STT3B: variants seen among roughly 807,000 people sequenced by gnomAD.
STT3B encodes the protein STT3 oligosaccharyltransferase complex catalytic subunit B, also known as dolichyl-diphosphooligosaccharide--protein glycosyltransferase subunit STT3B.
Under a neutral mutation model 96.8 loss-of-function variants are expected in STT3B, and 29 were observed. The observed-to-expected ratio is 0.30, with a 90% CI of 0.22 to 0.41. The LOEUF (loss-of-function observed/expected upper bound fraction) is 0.41, where lower values mean the gene tolerates loss of function less well. Among genes scored for constraint, STT3B ranks in the 10% least tolerant of loss-of-function variants. The pLI, the probability that STT3B is intolerant of heterozygous loss-of-function variation, is 1.00. For missense variants in STT3B, 640 were observed against 1,022.3 expected, an observed-to-expected ratio of 0.63 and a Z score of 5.10; for synonymous variants, 367 against 360.0, an observed-to-expected ratio of 1.02 and a Z score of -0.22.
intron 3 of STT3B, among the ~76,000 whole-genome samples, chr3:31,583,535 G>A (rs1224763996): frequency 1.3e-5 from 2 of 151,998 alleles, no homozygotes; most frequent in Non-Finnish European, 2.9e-5. Context: ...TCTCATATTA[G>A]TATAGCCATC....
At chr3:31,617,846 G>A (rs191773223) in intron 7 of STT3B, 94 bp from the exon 8 acceptor site, 530 of 862,600 alleles carry the variant, frequency 6.1e-4, no homozygotes, top group South Asian at 2.7e-3. Flanking sequence ...ACATTAGTTT[G>A]TCTATCTATA....
chr3:31,539,671 TTTGA>T (rs1697207761), intron 1 of STT3B, among the ~76,000 whole-genome samples: 1 of 152,170 alleles, frequency 6.6e-6, no homozygotes. Flanking sequence ...AGCTGATTAC[TTTGA>T]TTGTTTTGAT....
chr3:31,618,086 A>T (rs1302864833), intron 8 of STT3B, 98 bp downstream of exon 8: 1 of 844,428 alleles, frequency 1.2e-6, no homozygotes, highest in East Asian at 2.4e-5. Flanking sequence ...TTCTTGGGCA[A>T]CACTTCTAAG....
rs199727629 is a variant in STT3B at position 31,590,275 on chromosome 3, A to AT, written c.712-6514dup. Among the ~76,000 whole-genome samples, 66 of 149,852 alleles carry AT rather than the reference A, an allele frequency of 4.4e-4. 2 individuals are homozygous for AT. The East Asian group carries it at 9.8e-3, about 22-fold the overall frequency. ...GCTTATCCAACTTTGGGTTTCACTG[A>AT]TTTTTTTTTCCTTTATATTTTCAAT... On this transcript the variant is annotated intron_variant, in intron 3 of 15. Coordinates refer to ENST00000295770, the MANE Select transcript of STT3B (RefSeq NM_178862.3).
chr3:31,597,588 C>T (rs1172045134), intron 4 of STT3B, among the ~76,000 whole-genome samples: 1 of 151,840 alleles, frequency 6.6e-6, no homozygotes, highest in African/African-American at 2.4e-5. Flanking sequence ...TCCTGAGCAG[C>T]CAGGACTACA....
intron 12 of STT3B, 24 bp from the exon 13 acceptor site, chr3:31,625,930 C>G (rs577802209): frequency 4.5e-6 from 7 of 1,548,050 alleles, no homozygotes; most frequent in Admixed American, 4.1e-5. Context: ...CAAAAACATT[C>G]TCATTTTTTT....
intron 3 of STT3B, among the ~76,000 whole-genome samples, chr3:31,591,856 T>C (rs1289737527): frequency 1.3e-5 from 2 of 152,162 alleles, no homozygotes; most frequent in Admixed American, 6.5e-5. Context: ...TTTTATAATT[T>C]CCTTTTAGCC....
chr3:31,541,515 C>G (rs1697265906), intron 1 of STT3B, among the ~76,000 whole-genome samples: 1 of 144,968 alleles, frequency 6.9e-6, no homozygotes, highest in South Asian at 2.2e-4. Context: ...AAGATTCATC[C>G]TTGTTGGTCA....
intron 5 of STT3B, among the ~76,000 whole-genome samples, chr3:31,606,574 G>A (rs973913768): frequency 2.6e-5 from 4 of 152,332 alleles, no homozygotes; most frequent in African/African-American, 9.6e-5. Flanking sequence ...GTGCACAGAA[G>A]TCAAGAATTG....
At chr3:31,595,149 C>T (rs143621819) in intron 3 of STT3B, among the ~76,000 whole-genome samples, 1 of 152,312 alleles carries the variant, frequency 6.6e-6, no homozygotes, top group East Asian at 1.9e-4. Flanking sequence ...GCATTCCTTC[C>T]TCCAGGTATG....
chr3:31,607,740 T>C (rs1699085718), intron 5 of STT3B, among the ~76,000 whole-genome samples: 1 of 104,174 alleles, frequency 9.6e-6, no homozygotes, highest in South Asian at 3.4e-4. Flanking sequence ...CTGTTTTTTG[T>C]TGTTTTTGGG....
chr3:31,582,451 C>T (rs760476087), intron 3 of STT3B, among the ~76,000 whole-genome samples: 2 of 151,758 alleles, frequency 1.3e-5, no homozygotes, highest in Non-Finnish European at 1.5e-5. Flanking sequence ...CCTGCCACTA[C>T]GTGTGGCTAA....
intron 2 of STT3B, among the ~76,000 whole-genome samples, chr3:31,578,581 G>A (rs1398211910): frequency 1.3e-5 from 2 of 150,496 alleles, no homozygotes; most frequent in African/African-American, 2.5e-5. Context: ...CCCCAGTATT[G>A]CTGACAAAAT....
rs1007168732 is a variant in STT3B at position 31,609,110 on chromosome 3, T to C, written c.878-5995T>C. ...AGCCTGGCGACAGAAAAAGACTCTGTCTCAAGAAAAGAAAGAAAAGGATGT... is the reference window on the plus strand; with the variant it reads ...AGCCTGGCGACAGAAAAAGACTCTGCCTCAAGAAAAGAAAGAAAAGGATGT... On this transcript the variant is annotated intron_variant, in intron 5 of 15. Transcript: ENST00000295770. 7.2e-5 allele frequency among the ~76,000 whole-genome samples: 11 copies of C among 152,212 alleles called. No individual in the cohort carries two copies. The South Asian group carries it at 2.3e-3, about 32-fold the overall frequency.
At chr3:31,559,345 A>G (rs1020649981) in intron 1 of STT3B, among the ~76,000 whole-genome samples, 8 of 98,918 alleles carry the variant, frequency 8.1e-5, no homozygotes, top group Non-Finnish European at 1.3e-4. Context: ...GTTTATTGCT[A>G]TAAACTTAGC....
At chr3:31,585,889 A>T (rs1559375845) in intron 3 of STT3B, among the ~76,000 whole-genome samples, 1 of 152,106 alleles carries the variant, frequency 6.6e-6, no homozygotes, top group Non-Finnish European at 1.5e-5. Context: ...GTTTTTGGCA[A>T]TGATGAATTA....
chr3:31,630,069 G>T (rs1262446924), intron 14 of STT3B, among the ~76,000 whole-genome samples: 5 of 152,164 alleles, frequency 3.3e-5, no homozygotes, highest in Non-Finnish European at 7.3e-5. Context: ...TTCTTTTCTT[G>T]TTTGTAAATA....
At chr3:31,619,576 GAGTAGGT>G in intron 8 of STT3B, 93 bp from the exon 9 acceptor site, 2 of 936,526 alleles carry the variant, frequency 2.1e-6, no homozygotes, top group Non-Finnish European at 3.3e-6. Context: ...AAGGGGTAGG[GAGTAGGT>G]ACCATTTCTA....
intron 1 of STT3B, among the ~76,000 whole-genome samples, chr3:31,573,496 A>G (rs553869928): frequency 3.3e-5 from 5 of 152,292 alleles, no homozygotes; most frequent in South Asian, 2.1e-4. Context: ...TTAGGAAGTG[A>G]CAACCTTGTT....
Sources: allele counts gnomAD v4.1 joint callset (sites outside exome capture counted in the v4.1 genomes callset), GRCh38; gene constraint gnomAD v4.1.1; transcripts MANE v1.5; gene names NCBI Gene and HGNC (gene_info 2026-07-23, HGNC 2026-07-21).